Variants in PRKCQ observed in about 807,000 individuals in gnomAD.
The protein encoded by PRKCQ is protein kinase C theta.
PRKCQ carries 41 observed loss-of-function variants against 91.2 expected under a neutral mutation model. That is an observed-to-expected ratio of 0.45 (90% CI 0.35 to 0.58). The LOEUF (loss-of-function observed/expected upper bound fraction) is 0.58, where lower values mean the gene tolerates loss of function less well. Among genes scored for constraint, PRKCQ ranks in the 20% least tolerant of loss-of-function variants. The probability of loss-of-function intolerance (pLI) is 0.00; values close to 1 mark genes in which losing one functional copy is unlikely to be tolerated. For synonymous variants in PRKCQ, 307 were observed against 316.9 expected (o/e 0.97, Z 0.33); for missense variants, 673 against 896.5 (o/e 0.75, Z 3.18).
the PRKCQ span, among the ~76,000 whole-genome samples, chr10:6,406,691 A>T: frequency 6.6e-6 from 1 of 152,186 alleles, no homozygotes; most frequent in Non-Finnish European, 1.5e-5. Flanking sequence ...TGCAGATCTT[A>T]TGATAATATG....
chr10:6,399,643 T>A, the PRKCQ span, among the ~76,000 whole-genome samples: 2 of 152,122 alleles, frequency 1.3e-5, no homozygotes, highest in African/African-American at 4.8e-5. Flanking sequence ...TTTGACATCA[T>A]GTGGCTTGAA....
the PRKCQ span, among the ~76,000 whole-genome samples, chr10:6,406,074 C>A: frequency 2.0e-5 from 3 of 152,080 alleles, no homozygotes; most frequent in Non-Finnish European, 2.9e-5. Flanking sequence ...CATATTTTAC[C>A]AACATGGAGA....
intron 1 of PRKCQ, 73 bp from the exon 2 acceptor site, chr10:6,515,217 T>G: frequency 6.3e-7 from 1 of 1,598,596 alleles, no homozygotes; most frequent in South Asian, 1.1e-5. Context: ...CATGTCTACT[T>G]AACCAGTGCT....
At chr10:6,563,601 T>C (rs1165340431) in intron 1 of PRKCQ, among the ~76,000 whole-genome samples, 1 of 152,204 alleles carries the variant, frequency 6.6e-6, no homozygotes, top group Non-Finnish European at 1.5e-5. Context: ...CCCACCGCTT[T>C]GTTCCTCCTC....
intron 11 of PRKCQ, 34 bp downstream of exon 11, chr10:6,483,406 T>C (rs760365825): frequency 1.1e-5 from 17 of 1,612,974 alleles, no homozygotes; most frequent in African/African-American, 4.0e-5. Context: ...GTTCCTGGAG[T>C]TGGGCCATAG....
At chr10:6,426,198 G>C (rs1341821122), downstream of PRKCQ, among the ~76,000 whole-genome samples, 1 of 151,378 alleles carries the variant, frequency 6.6e-6, no homozygotes, top group Non-Finnish European at 1.5e-5. Flanking sequence ...GCTCTAGTGA[G>C]AAGGGACTTT....
chr10:6,494,989 G>A (rs944838817), intron 7 of PRKCQ, among the ~76,000 whole-genome samples: 1 of 152,056 alleles, frequency 6.6e-6, no homozygotes, highest in Non-Finnish European at 1.5e-5. Context: ...GCTCGGCCTC[G>A]GGCAGAAGCC....
chr10:6,450,559 C>T (rs1420800312), intron 15 of PRKCQ, among the ~76,000 whole-genome samples: 1 of 152,218 alleles, frequency 6.6e-6, no homozygotes, highest in African/African-American at 2.4e-5. Context: ...AGGAATTGAA[C>T]TCAGCTCTGC....
chr10:6,416,910 G>A, the PRKCQ span, among the ~76,000 whole-genome samples: 6 of 152,294 alleles, frequency 3.9e-5, no homozygotes, highest in Non-Finnish European at 5.9e-5. Flanking sequence ...GATCATTCTT[G>A]CAGGAGTAAG....
At chr10:6,463,881 G>A (rs771318537) in intron 13 of PRKCQ, among the ~76,000 whole-genome samples, 2 of 152,162 alleles carry the variant, frequency 1.3e-5, no homozygotes, top group Non-Finnish European at 2.9e-5. Flanking sequence ...GGAAGGAGAA[G>A]CTTTGTTCTC....
At chr10:6,405,563 C>T in the PRKCQ span, among the ~76,000 whole-genome samples, 1 of 152,222 alleles carries the variant, frequency 6.6e-6, no homozygotes, top group Non-Finnish European at 1.5e-5. Context: ...GCAAGTCTTT[C>T]TGACCTCAAG....
intron 16 of PRKCQ, among the ~76,000 whole-genome samples, chr10:6,438,444 C>T (rs1358854763): frequency 6.6e-6 from 1 of 152,192 alleles, no homozygotes; most frequent in African/African-American, 2.4e-5. Context: ...TATCCTATTC[C>T]CATTTTCAAT....
chr10:6,510,443 G>A (rs187387092), intron 3 of PRKCQ, among the ~76,000 whole-genome samples: 93 of 152,234 alleles, frequency 6.1e-4, no homozygotes, highest in Middle Eastern at 3.4e-3. Context: ...ATGGATCTTT[G>A]TTCTATCCTC....
chr10:6,394,995 G>C, the PRKCQ span, among the ~76,000 whole-genome samples: 2 of 151,756 alleles, frequency 1.3e-5, no homozygotes, highest in Non-Finnish European at 2.9e-5. Context: ...TTATCAAGAC[G>C]GGGGAATTGC....
chr10:6,576,934 T>A lies in PRKCQ; in HGVS notation c.-10+3277A>T, dbSNP rs73617902. Among the ~76,000 whole-genome samples the A allele has an allele frequency of 0.062, 9,488 of 152,166 alleles. 897 individuals are homozygous for A. The highest frequency in any genetic ancestry group is 0.21 in the African/African-American group (8,561 of 41,440). On this transcript the variant is annotated intron_variant, in intron 1 of 17. Transcript: ENST00000263125. This position sits in a 1 kb window ranked among gnomAD's most constrained non-coding sequence, Gnocchi z 4.2. The stretch of plus-strand genomic sequence containing the variant: ...CTAATTTATAAAGGCTTTTGGAGGT[T>A]AAATGAAGCAGTAATGCCTCTTACA...
intron 16 of PRKCQ, among the ~76,000 whole-genome samples, chr10:6,432,714 G>C (rs1341361150): frequency 6.6e-6 from 1 of 152,018 alleles, no homozygotes; most frequent in Non-Finnish European, 1.5e-5. Context: ...GACATCCTCG[G>C]GTCCTCGGCT....
At chr10:6,467,357 C>CAG (rs1564324163) in intron 12 of PRKCQ, among the ~76,000 whole-genome samples, 36 of 67,048 alleles carry the variant, frequency 5.4e-4, no homozygotes, top group East Asian at 2.1e-3. Flanking sequence ...GAGAGAGAGA[C>CAG]AGAGAGAGAG....
chr10:6,531,294 C>G (rs1357758803), intron 1 of PRKCQ, among the ~76,000 whole-genome samples: 1 of 152,080 alleles, frequency 6.6e-6, no homozygotes, highest in Non-Finnish European at 1.5e-5. Context: ...GAATCCAGCA[C>G]AGTGCCTGGT....
At chr10:6,571,321 C>T (rs991353932) in intron 1 of PRKCQ, among the ~76,000 whole-genome samples, 23 of 152,148 alleles carry the variant, frequency 1.5e-4, no homozygotes, top group African/African-American at 5.1e-4. Context: ...GCAAGGGAAA[C>T]GCTTTAGTGG....
Sources: gnomAD v4.1 joint callset for allele counts (sites outside exome capture counted in the v4.1 genomes callset) on GRCh38, gnomAD v4.1.1 for gene constraint, Gnocchi (gnomAD v3.1) non-coding constraint, MANE v1.5 for transcripts, NCBI Gene and HGNC (gene_info 2026-07-23, HGNC 2026-07-21) for gene names.